The following PPP2R5E variants were observed in gnomAD, a reference collection of about 807,000 sequenced individuals.
PPP2R5E encodes serine/threonine-protein phosphatase 2A 56 kDa regulatory subunit epsilon isoform.
A neutral mutation model predicts 65.3 loss-of-function variants in PPP2R5E; 4 were observed. The ratio of observed to expected loss-of-function variants is 0.06; its 90% CI spans 0.03 to 0.14. PPP2R5E has a LOEUF of 0.14. Ranked by LOEUF, PPP2R5E falls within the 10% of genes least tolerant of loss-of-function variation. The probability of loss-of-function intolerance (pLI) is 1.00; values close to 1 mark genes in which losing one functional copy is unlikely to be tolerated. For missense variants in PPP2R5E, 274 were observed against 556.1 expected (o/e 0.49, Z 5.10); for synonymous variants, 183 against 187.4 (o/e 0.98, Z 0.19).
At chr14:63,527,278 CAAG>C (rs1459665327) in intron 2 of PPP2R5E, among the ~76,000 whole-genome samples, 2 of 152,164 alleles carry the variant, frequency 1.3e-5, no homozygotes, top group African/African-American at 2.4e-5. Flanking sequence ...ATTCCAGAAA[CAAG>C]AAATCTGTCT....
At chr14:63,497,864 T>A (rs901205806) in intron 2 of PPP2R5E, among the ~76,000 whole-genome samples, 1 of 152,144 alleles carries the variant, frequency 6.6e-6, no homozygotes, top group Admixed American at 6.5e-5. Context: ...TCATACAACA[T>A]CCTCCTTTAA....
At chr14:63,462,074 T>C (rs61632663) in intron 2 of PPP2R5E, among the ~76,000 whole-genome samples, 34 of 67,020 alleles carry the variant, frequency 5.1e-4, no homozygotes, top group East Asian at 1.3e-3. Flanking sequence ...TTCAACTGTA[T>C]TTTTTTTTTT....
chr14:63,441,546 G>A (rs562213707), intron 3 of PPP2R5E, among the ~76,000 whole-genome samples: 103 of 152,332 alleles, frequency 6.8e-4, no homozygotes, highest in Non-Finnish European at 1.2e-3. Flanking sequence ...GTAAAATCGC[G>A]CTTAAACCAT....
intron 2 of PPP2R5E, among the ~76,000 whole-genome samples, chr14:63,531,476 A>C: frequency 8.1e-6 from 1 of 124,142 alleles, no homozygotes. Flanking sequence ...ATAATAATAA[A>C]ATTAAAAAGA....
chr14:63,430,344 T>C (rs1887569566), intron 3 of PPP2R5E, among the ~76,000 whole-genome samples: 1 of 147,902 alleles, frequency 6.8e-6, no homozygotes, highest in Non-Finnish European at 1.5e-5. Flanking sequence ...AGAAAACCCA[T>C]GTATACATAC....
At chr14:63,385,914 T>C (rs543030325) in intron 11 of PPP2R5E, among the ~76,000 whole-genome samples, 2 of 152,306 alleles carry the variant, frequency 1.3e-5, no homozygotes, top group African/African-American at 2.4e-5. Context: ...ATCCCTTTTC[T>C]CTGCCCACCA....
intron 2 of PPP2R5E, among the ~76,000 whole-genome samples, chr14:63,519,507 A>AC (rs778659331): frequency 3.2e-5 from 4 of 124,326 alleles, no homozygotes; most frequent in African/African-American, 9.8e-5. Flanking sequence ...TGCCCAGCTA[A>AC]TTTTTTTTTT....
chr14:63,539,787 A>G, intron 1 of PPP2R5E, 95 bp from the exon 2 acceptor site: 1 of 1,268,166 alleles, frequency 7.9e-7, no homozygotes, highest in Non-Finnish European at 1.1e-6. Flanking sequence ...TACAATATTC[A>G]TGAAAATGGG....
At chr14:63,532,185 A>G (rs1174837573) in intron 2 of PPP2R5E, among the ~76,000 whole-genome samples, 1 of 152,214 alleles carries the variant, frequency 6.6e-6, no homozygotes, top group Non-Finnish European at 1.5e-5. Context: ...AAGAATCTCT[A>G]TACCTACTAT....
chr14:63,434,048 G>T (rs1328785798), intron 3 of PPP2R5E, among the ~76,000 whole-genome samples: 2 of 152,004 alleles, frequency 1.3e-5, no homozygotes, highest in Admixed American at 6.6e-5. Context: ...CAGTAATTGT[G>T]GGGAGATTTT....
intron 2 of PPP2R5E, among the ~76,000 whole-genome samples, chr14:63,456,082 A>C (rs1374495519): frequency 2.0e-5 from 3 of 152,218 alleles, no homozygotes; most frequent in Non-Finnish European, 4.4e-5. Context: ...AAGCTTATTA[A>C]TATAACATTC....
intron 2 of PPP2R5E, among the ~76,000 whole-genome samples, chr14:63,514,259 T>A (rs1459076053): frequency 1.3e-5 from 2 of 152,164 alleles, no homozygotes; most frequent in Non-Finnish European, 2.9e-5. Context: ...CCACACCTCC[T>A]ACATGCCAGA....
At chr14:63,532,492 C>A (rs980379238) in intron 2 of PPP2R5E, among the ~76,000 whole-genome samples, 3 of 152,184 alleles carry the variant, frequency 2.0e-5, no homozygotes, top group African/African-American at 7.2e-5. Context: ...TTTGTGGCTG[C>A]AAAATTATGC....
chr14:63,416,132 T>A (rs1232880866), intron 4 of PPP2R5E, among the ~76,000 whole-genome samples: 1 of 152,166 alleles, frequency 6.6e-6, no homozygotes, highest in Non-Finnish European at 1.5e-5. Flanking sequence ...CTACATCAGA[T>A]CCTGACGAGG....
intron 2 of PPP2R5E, among the ~76,000 whole-genome samples, chr14:63,522,912 G>A (rs534843288): frequency 0.012 from 1,765 of 148,194 alleles, 49 homozygotes; most frequent in African/African-American, 0.042. Flanking sequence ...GGGAGGTCGG[G>A]GGGTCAGCCC....
At chr14:63,487,951 C>T (rs1220450860) in intron 2 of PPP2R5E, among the ~76,000 whole-genome samples, 1 of 152,182 alleles carries the variant, frequency 6.6e-6, no homozygotes, top group Non-Finnish European at 1.5e-5. Context: ...GTCTCAACTG[C>T]TTCCTTATAT....
intron 6 of PPP2R5E, among the ~76,000 whole-genome samples, chr14:63,395,540 G>A (rs138330969): frequency 0.041 from 1,174 of 28,416 alleles, 110 homozygotes; most frequent in East Asian, 0.26. Context: ...GGAGAGGAGG[G>A]AAGAGAGGAG....
rs772319844 is a variant in PPP2R5E, at chr14:63,376,066, T to C, written c.1347A>G (p.Lys449=). ...CTCTCTTTAACTCCAGATCCTCCAA[T>C]TTTTTCCACAATTCTTCACGCTCCT... ...KEKEREELWK[K]LEDLELKRGL... is the part of the protein sequence containing the mutation. Residue 449 remains lysine, a synonymous_variant, in exon 14 of 14, where the codon AAA becomes AAG. Transcript: ENST00000337537. 6.2e-7 allele frequency: 1 copy of C among 1,610,072 alleles called. No individual in the cohort carries two copies. Among genetic ancestry groups the C allele is most frequent in the South Asian group, 1.1e-5 (1 of 90,964 alleles).
chr14:63,408,925 T>A lies in PPP2R5E; in HGVS notation c.549+6215A>T, dbSNP rs372384785. ...GCCTGGCCAACATGGTGAAACCACG[T>A]CTCTACCAAAAATACAAAAATTAGG... is the stretch of plus-strand genomic sequence containing the variant. On this transcript the variant is annotated intron_variant, in intron 5 of 13. Coordinates refer to ENST00000337537, the MANE Select transcript of PPP2R5E (RefSeq NM_006246.5). Among the ~76,000 whole-genome samples, 17 of 152,230 alleles carry A rather than the reference T, an allele frequency of 1.1e-4. No homozygotes were observed. The East Asian group carries it at 2.5e-3, about 22-fold the overall frequency.
Sources: allele counts gnomAD v4.1 joint callset (sites outside exome capture counted in the v4.1 genomes callset), GRCh38; gene constraint gnomAD v4.1.1; transcripts MANE v1.5; gene names NCBI Gene and HGNC (gene_info 2026-07-23, HGNC 2026-07-21).